TMEM132D: variants seen among roughly 807,000 people sequenced by gnomAD.
TMEM132D encodes mature OL transmembrane protein.
TMEM132D carries 21 observed loss-of-function variants against 62.3 expected under a neutral mutation model. The ratio of observed to expected loss-of-function variants is 0.34; its 90% confidence interval spans 0.24 to 0.49. The LOEUF (loss-of-function observed/expected upper bound fraction) is 0.49. Among genes scored for constraint, TMEM132D ranks in the 20% least tolerant of loss-of-function variants. The pLI, the probability that TMEM132D is intolerant of heterozygous loss-of-function variation, is 0.99. For missense variants in TMEM132D, 1,346 were observed against 1,402.8 expected (o/e 0.96, Z 0.65); for synonymous variants, 621 against 575.6 (o/e 1.08, Z -1.13).
intron 2 of TMEM132D, among the ~76,000 whole-genome samples, chr12:129,571,465 C>A (rs543540673): frequency 6.6e-6 from 1 of 151,886 alleles, no homozygotes. Context: ...CCAGCTACTC[C>A]GGAGGCTGAG....
chr12:129,461,876 C>T (rs1873688790), intron 3 of TMEM132D, among the ~76,000 whole-genome samples: 1 of 152,006 alleles, frequency 6.6e-6, no homozygotes, highest in African/African-American at 2.4e-5. Flanking sequence ...TTACCAAATA[C>T]GGATAAGTTC....
At chr12:129,553,360 G>A (rs568722704) in intron 2 of TMEM132D, among the ~76,000 whole-genome samples, 2 of 152,240 alleles carry the variant, frequency 1.3e-5, no homozygotes, top group South Asian at 4.1e-4. Context: ...CTCTGTGCGT[G>A]TCTGTGCACT....
intron 5 of TMEM132D, among the ~76,000 whole-genome samples, chr12:129,129,727 T>G (rs1382554686): frequency 6.6e-6 from 1 of 152,134 alleles, no homozygotes; most frequent in Non-Finnish European, 1.5e-5. Context: ...TGACTTGCAT[T>G]TCTCTGATGA....
chr12:129,700,534 A>G lies in TMEM132D; in HGVS notation c.244T>C (p.Phe82Leu), dbSNP rs2137227569. The part of the protein sequence containing the change: ...NSSLQSRVES[F>L]LIYKSRRLPV... ...AGCCTCCTGGATTTGTAAATCAGAA[A>G]TGACTCCACCCGGGACTGCAGGCTG... Residue 82 changes from phenylalanine to leucine, a missense_variant, in exon 2 of 9, where the codon TTT (phenylalanine) becomes CTT (leucine). Physicochemically the swap from Phe to Leu is conservative, Grantham distance 22 (BLOSUM62 0). Coordinates refer to ENST00000422113, the MANE Select transcript of TMEM132D (RefSeq NM_133448.3). 1.2e-6 allele frequency: 2 copies of G among 1,614,030 alleles called. No individual in the cohort carries two copies. Among genetic ancestry groups the G allele is most frequent in the Non-Finnish European group, 1.7e-6 (2 of 1,180,016 alleles).
chr12:129,078,740 C>T lies in TMEM132D; in HGVS notation c.1924-15G>A, dbSNP rs200432448. The T allele has an allele frequency of 1.6e-5, 25 of 1,608,486 alleles. No individual in the cohort carries two copies. Among genetic ancestry groups the T allele is most frequent in the Middle Eastern group, 3.3e-4 (2 of 6,046 alleles). ...GGAGACAGGATCTGGAGGGCAGAAG[C>T]GACATGACAAGGAAAGGCTTTCTGT... On this transcript the variant is annotated splice_polypyrimidine_tract_variant and intron_variant, in intron 7 of 8. Coordinates refer to ENST00000422113, the MANE Select transcript of TMEM132D (RefSeq NM_133448.3).
intron 2 of TMEM132D, among the ~76,000 whole-genome samples, chr12:129,613,826 T>A (rs1393036157): frequency 6.7e-6 from 1 of 149,310 alleles, no homozygotes; most frequent in Non-Finnish European, 1.5e-5. Flanking sequence ...CAGGGGACTG[T>A]CTGCAGAACC....
At chr12:129,391,607 C>A (rs994805668) in intron 3 of TMEM132D, among the ~76,000 whole-genome samples, 2 of 152,104 alleles carry the variant, frequency 1.3e-5, no homozygotes, top group South Asian at 4.1e-4. Context: ...ATTTGTTATA[C>A]CCCAGTCCAG....
chr12:129,283,698 C>T (rs1273942893), intron 4 of TMEM132D, among the ~76,000 whole-genome samples: 3 of 152,208 alleles, frequency 2.0e-5, no homozygotes, highest in Non-Finnish European at 2.9e-5. Context: ...GAGCAGGGCT[C>T]CTATACTCCA....
intron 2 of TMEM132D, among the ~76,000 whole-genome samples, chr12:129,585,806 T>TATGC (rs1386548065): frequency 7.1e-6 from 1 of 140,018 alleles, no homozygotes; most frequent in Non-Finnish European, 1.5e-5. Context: ...ACCAATGAGA[T>TATGC]ATGCATGCAT....
chr12:129,232,525 C>T (rs902741500), intron 4 of TMEM132D, among the ~76,000 whole-genome samples: 1 of 152,138 alleles, frequency 6.6e-6, no homozygotes, highest in Non-Finnish European at 1.5e-5. Context: ...AAGTTGCCAT[C>T]CACATGAGAC....
At chr12:129,555,767 T>TTA (rs1392817416) in intron 2 of TMEM132D, among the ~76,000 whole-genome samples, 3 of 152,182 alleles carry the variant, frequency 2.0e-5, no homozygotes, top group Non-Finnish European at 1.5e-5. Context: ...CACTCATTGA[T>TTA]TATATATATT....
intron 1 of TMEM132D, among the ~76,000 whole-genome samples, chr12:129,895,355 C>T (rs776044613): frequency 4.6e-5 from 7 of 152,212 alleles, no homozygotes; most frequent in Non-Finnish European, 8.8e-5. Context: ...GATACTGCCA[C>T]ACTCCCACCC....
intron 5 of TMEM132D, among the ~76,000 whole-genome samples, chr12:129,189,977 A>G (rs999607244): frequency 1.3e-4 from 20 of 152,150 alleles, no homozygotes; most frequent in African/African-American, 4.3e-4. Context: ...GGAGGCAGAA[A>G]ATGAGAATCA....
chr12:129,742,605 C>G (rs1015152954), intron 1 of TMEM132D, among the ~76,000 whole-genome samples: 2 of 152,220 alleles, frequency 1.3e-5, no homozygotes, highest in African/African-American at 4.8e-5. Context: ...CATTTTCCTT[C>G]TGGGTCCTTA....
rs557826317 is a variant in TMEM132D, at chr12:129,192,692, G to T, written c.1443+16828C>A. Among the ~76,000 whole-genome samples, 6 of 152,218 alleles carry T rather than the reference G, an allele frequency of 3.9e-5. No homozygotes were observed. In the East Asian group the frequency reaches 5.8e-4, roughly 15 times the overall value. On this transcript the variant is annotated intron_variant, in intron 5 of 8. Transcript: ENST00000422113. ...GGCTGGGTACTAATTATCTATCACTGCCTCCACTGGTGAGATTTTGTGGCA... is the reference window on the plus strand; with the variant it reads ...GGCTGGGTACTAATTATCTATCACTTCCTCCACTGGTGAGATTTTGTGGCA...
intron 5 of TMEM132D, among the ~76,000 whole-genome samples, chr12:129,156,308 C>T (rs186282583): frequency 2.0e-5 from 3 of 151,974 alleles, no homozygotes; most frequent in Admixed American, 2.0e-4. Context: ...ATACCCAACC[C>T]ACTTCCAATA....
At chr12:129,283,900 C>T (rs1370193957) in intron 4 of TMEM132D, among the ~76,000 whole-genome samples, 2 of 152,232 alleles carry the variant, frequency 1.3e-5, no homozygotes, top group African/African-American at 2.4e-5. Context: ...TTCCCCCTGA[C>T]CCCTTGAATA....
chr12:129,873,066 G>A (rs1177533972), intron 1 of TMEM132D, among the ~76,000 whole-genome samples: 1 of 152,164 alleles, frequency 6.6e-6, no homozygotes, highest in Non-Finnish European at 1.5e-5. Flanking sequence ...TCACGCGCCT[G>A]GAGTCTGATA....
chr12:129,578,518 C>T (rs1255540578), intron 2 of TMEM132D, among the ~76,000 whole-genome samples: 1 of 151,170 alleles, frequency 6.6e-6, no homozygotes, highest in Admixed American at 6.6e-5. Context: ...CACATGCGCA[C>T]ACACACACAT....
Sources: gnomAD v4.1 joint callset for allele counts (sites outside exome capture counted in the v4.1 genomes callset) on GRCh38, gnomAD v4.1.1 for gene constraint, MANE v1.5 for transcripts, NCBI Gene and HGNC (gene_info 2026-07-23, HGNC 2026-07-21) for gene names.